DYSF: variants seen among roughly 807,000 people sequenced by gnomAD.
DYSF encodes the protein dysferlin, also known as dystrophy-associated fer-1-like 1.
In DYSF, 212 loss-of-function variants were observed where a neutral mutation model predicts 274.9. That is an observed-to-expected ratio of 0.77 (90% CI 0.69 to 0.86). The LOEUF (loss-of-function observed/expected upper bound fraction) is 0.86. DYSF is among the 40% of genes least tolerant of loss of function. DYSF has a pLI of 0.00. For missense variants in DYSF, 2,666 were observed against 2,783.2 expected, an observed-to-expected ratio of 0.96 and a Z score of 0.95; for synonymous variants, 1,091 against 1,078.7, an observed-to-expected ratio of 1.01 and a Z score of -0.22.
chr2:71,574,154 C>A (rs752867465), intron 29 of DYSF, 44 bp from the exon 30 acceptor site: 31 of 1,605,904 alleles, frequency 1.9e-5, no homozygotes, highest in Admixed American at 3.3e-5. Context: ...GAACTCCCCC[C>A]AGCCTTCCCA....
At chr2:71,638,361 C>A (rs1262707183) in intron 41 of DYSF, among the ~76,000 whole-genome samples, 626 of 129,842 alleles carry the variant, frequency 4.8e-3, no homozygotes, top group East Asian at 5.3e-3. Flanking sequence ...CTCATCACTG[C>A]AAAAAAAAAA....
In DYSF at chr2:71,513,893, T is replaced by C. The variant is rs1559048753; in HGVS notation, c.731T>C (p.Leu244Pro). ...RKRSAPTSRK[L>P]LSDKPQDFQI... ...CGAAGTGCGCCTACATCTAGAAAGC[T>C]GCTGTCAGACAAACCGCAGGATTTC... The change falls in exon 7 of 56, where the codon CTG becomes CCG. Residue 244 changes from leucine (L) to proline (P), a missense_variant. This residue lies in a region of DYSF where 794 missense variants were observed against 777.1 expected (regional missense o/e 1.02). Coordinates refer to ENST00000410020, the MANE Select transcript of DYSF (RefSeq NM_001130987.2). 1.2e-6 allele frequency: 2 copies of C among 1,614,078 alleles called. No homozygotes were observed. Among genetic ancestry groups the C allele is most frequent in the African/African-American group, 1.3e-5 (1 of 74,934 alleles).
chr2:71,601,192 G>C (rs1170406680), intron 34 of DYSF: 2 of 591,206 alleles, frequency 3.4e-6, no homozygotes, highest in Admixed American at 3.0e-5. Flanking sequence ...CCATGACCTA[G>C]CCTCATGGCC....
intron 38 of DYSF, among the ~76,000 whole-genome samples, chr2:71,612,127 A>AAAG (rs1243944147): frequency 6.6e-6 from 1 of 152,230 alleles, no homozygotes; most frequent in Non-Finnish European, 1.5e-5. Context: ...TTGCAAGATG[A>AAAG]AAGCGCTGTA....
At chr2:71,656,620 G>A (rs1476178706) in intron 43 of DYSF, among the ~76,000 whole-genome samples, 1 of 152,192 alleles carries the variant, frequency 6.6e-6, no homozygotes, top group Admixed American at 6.5e-5. Context: ...AGAAAAAGAG[G>A]TTTAATTGAA....
At chr2:71,576,658 G>A (rs2092708983) in intron 30 of DYSF, among the ~76,000 whole-genome samples, 1 of 152,224 alleles carries the variant, frequency 6.6e-6, no homozygotes, top group Admixed American at 6.5e-5. Context: ...ACGGCTGCCT[G>A]CCAGGCGGCC....
chr2:71,471,751 C>T (rs756289728), intron 1 of DYSF, among the ~76,000 whole-genome samples: 5 of 152,072 alleles, frequency 3.3e-5, no homozygotes, highest in Non-Finnish European at 7.4e-5. Flanking sequence ...GGGCGGATTG[C>T]TTGAGGCCAG....
chr2:71,666,190 A>G (rs751874842), intron 47 of DYSF, among the ~76,000 whole-genome samples: 3 of 151,782 alleles, frequency 2.0e-5, no homozygotes, highest in Non-Finnish European at 4.4e-5. Context: ...ATTTCCTTCT[A>G]CTAGTCTGTG....
chr2:71,546,551 G>GT (rs1005321852), intron 17 of DYSF, among the ~76,000 whole-genome samples: 2 of 152,170 alleles, frequency 1.3e-5, no homozygotes, highest in Admixed American at 6.5e-5. Context: ...TAAGAATTTT[G>GT]TTTTTTAAAA....
chr2:71,674,154 A>T, intron 51 of DYSF, 43 bp from the exon 52 acceptor site: 1 of 1,585,848 alleles, frequency 6.3e-7, no homozygotes, highest in Non-Finnish European at 8.7e-7. Context: ...CCTCTCTCTA[A>T]CCTTGCTTCC....
rs1308247360 is a variant in DYSF at position 71,682,611 on chromosome 2, C to T, written c.6255C>T (p.Ala2085=). The T allele has an allele frequency of 5.0e-6, 8 of 1,613,744 alleles. No homozygotes were observed. The highest frequency in any genetic ancestry group is 1.7e-6 in the Non-Finnish European group (2 of 1,179,774). The change falls in exon 55 of 56, where the codon GCC becomes GCT. Residue 2085 remains alanine (A), a synonymous_variant. Coordinates refer to ENST00000410020, the MANE Select transcript of DYSF (RefSeq NM_001130987.2). ...KFILWRRFRW[A]IILFIILFIL... ...TCCTGTGGCGGCGTTTCCGGTGGGC[C>T]ATCATCCTCTTCATCATCCTCTTCA...
intron 1 of DYSF, among the ~76,000 whole-genome samples, chr2:71,469,795 G>A (rs1258870660): frequency 6.6e-6 from 1 of 152,084 alleles, no homozygotes; most frequent in African/African-American, 2.4e-5. Context: ...GAGTAACTGG[G>A]CCATAGTAGA....
rs191686208 is a variant in DYSF, at chr2:71,606,852, C to A, written c.3957+4047C>A. 1.2e-3 allele frequency among the ~76,000 whole-genome samples: 186 copies of A among 152,276 alleles called. 1 individual carries two copies. The highest frequency in any genetic ancestry group is 2.1e-3 in the Non-Finnish European group (142 of 68,020). On this transcript the variant is annotated intron_variant, in intron 36 of 55. Coordinates refer to ENST00000410020, the MANE Select transcript of DYSF (RefSeq NM_001130987.2). The stretch of plus-strand genomic sequence containing the variant: ...GTAATGAGCAGGCCTGGGGAGGACC[C>A]AGGGTCAGGCTAGAGCAGGCACGGG...
chr2:71,648,853 A>AT (rs1452434280), intron 42 of DYSF, among the ~76,000 whole-genome samples: 6 of 152,206 alleles, frequency 3.9e-5, no homozygotes, highest in Non-Finnish European at 5.9e-5. Context: ...ACACACTGAT[A>AT]TAAGATCATC....
At chr2:71,506,660 CA>C (rs1161577056) in intron 4 of DYSF, among the ~76,000 whole-genome samples, 2 of 152,130 alleles carry the variant, frequency 1.3e-5, no homozygotes, top group Admixed American at 6.5e-5. Flanking sequence ...GAGAAGGAGA[CA>C]GGGGTTGAGC....
intron 41 of DYSF, among the ~76,000 whole-genome samples, chr2:71,624,236 G>A (rs907281096): frequency 3.3e-5 from 5 of 152,190 alleles, no homozygotes; most frequent in Non-Finnish European, 5.9e-5. Flanking sequence ...GGGCATCCTA[G>A]AACAGCTGTG....
chr2:71,592,669 C>T (rs1441501148), intron 32 of DYSF, among the ~76,000 whole-genome samples: 7 of 152,230 alleles, frequency 4.6e-5, no homozygotes, highest in African/African-American at 1.4e-4. Flanking sequence ...CAGCTTCCAG[C>T]TGCCTGCCGG....
rs778496697 is a variant in DYSF, at chr2:71,516,972, A to T, written c.952-17A>T. 1.2e-6 allele frequency: 2 copies of T among 1,614,072 alleles called. No individual in the cohort carries two copies. The highest frequency in any genetic ancestry group is 1.7e-5 in the Admixed American group (1 of 60,024). ...ATGTTCCCTGTGAATGTGAGTTTCC[A>T]TGATCTTTCTCTGCAGGTGGTAGAC... is the stretch of plus-strand genomic sequence containing the variant. On this transcript the variant is annotated splice_polypyrimidine_tract_variant and intron_variant, in intron 9 of 55. Coordinates refer to ENST00000410020, the MANE Select transcript of DYSF (RefSeq NM_001130987.2).
rs2152643065 is a variant in DYSF, at chr2:71,466,802, GC to G, written c.-38del. ...GCTCGGGCCCGGTGCTCCCGCTCCC[GC>G]CCTGACTGCGCGCCTGTGTGCCGCC... On this transcript the variant is annotated 5_prime_UTR_variant, in exon 1 of 56. Coordinates refer to ENST00000410020, the MANE Select transcript of DYSF (RefSeq NM_001130987.2). The G allele has an allele frequency of 1.3e-6, 2 of 1,488,806 alleles. No individual in the cohort carries two copies. The highest frequency in any genetic ancestry group is 5.2e-5 in the East Asian group (2 of 38,474). The allele number at this position is 1,488,806 out of a possible 1,614,324, so 92.2% of individuals were successfully genotyped here. A position where few individuals can be genotyped will look rare whatever the true frequency, so the allele number is the denominator to read the frequency against.
Sources: allele counts gnomAD v4.1 joint callset (sites outside exome capture counted in the v4.1 genomes callset), GRCh38; gene constraint gnomAD v4.1.1; regional missense constraint gnomAD v4.1.1; transcripts MANE v1.5; gene names NCBI Gene and HGNC (gene_info 2026-07-23, HGNC 2026-07-21).